AGBL1: variants seen among roughly 807,000 people sequenced by gnomAD.
AGBL1 encodes cytosolic carboxypeptidase 4.
In AGBL1, 130 loss-of-function variants were observed where a neutral mutation model predicts 118.9. The observed-to-expected ratio is 1.09, with a 90% CI of 0.95 to 1.26. AGBL1 has a LOEUF of 1.26. Ranked by LOEUF, AGBL1 falls within the 50% of genes most tolerant of loss-of-function variation. The pLI is 0.00. For missense variants in AGBL1, 1,584 were observed against 1,298.1 expected (o/e 1.22, Z -3.38); for synonymous variants, 555 against 478.9 (o/e 1.16, Z -2.08).
At chr15:86,127,930 G>A (rs1281471188) in intron 1 of AGBL1, among the ~76,000 whole-genome samples, 1 of 152,178 alleles carries the variant, frequency 6.6e-6, no homozygotes, top group Non-Finnish European at 1.5e-5. Flanking sequence ...GAGAAGCCCT[G>A]CCCATCAATT....
chr15:86,301,644 GTGTGTGTGT>G (rs2079747504), intron 17 of AGBL1, among the ~76,000 whole-genome samples: 13 of 1,262 alleles, frequency 0.01, no homozygotes, highest in South Asian at 0.071. Context: ...TCTACAGGGT[GTGTGTGTGT>G]GTGTGTGTGT....
chr15:86,120,177 C>G (rs570037790), intron 1 of AGBL1, among the ~76,000 whole-genome samples: 19 of 152,256 alleles, frequency 1.2e-4, no homozygotes, highest in African/African-American at 4.3e-4. Context: ...TTTGCTTTCT[C>G]CTGCATGTAC....
chr15:86,860,622 C>T (rs188163495), intron 22 of AGBL1, among the ~76,000 whole-genome samples: 38 of 152,130 alleles, frequency 2.5e-4, no homozygotes, highest in African/African-American at 8.4e-4. Context: ...TGCCTTGTCC[C>T]GCAGCAGGGG....
At chr15:86,432,619 T>C (rs1231888934) in intron 18 of AGBL1, among the ~76,000 whole-genome samples, 1 of 152,198 alleles carries the variant, frequency 6.6e-6, no homozygotes, top group African/African-American at 2.4e-5. Context: ...TTACTCTTTT[T>C]CCCTCTCATT....
intron 21 of AGBL1, among the ~76,000 whole-genome samples, chr15:86,673,367 C>T (rs1001101442): frequency 1.3e-5 from 2 of 152,194 alleles, no homozygotes; most frequent in Non-Finnish European, 2.9e-5. Context: ...CAGATTCACA[C>T]TTAATTCTGA....
intron 9 of AGBL1, among the ~76,000 whole-genome samples, chr15:86,262,078 C>CTTTTTTGTTTTTTTT (rs71468166): frequency 1.9e-5 from 1 of 52,768 alleles, no homozygotes; most frequent in Non-Finnish European, 3.6e-5. Context: ...GCATAGCTGG[C>CTTTTTTGTTTTTTTT]TTTTTTTTTT....
rs368919220 is a variant in AGBL1 at position 87,008,997 on chromosome 15, C to T, written c.3324-19828C>T. On this transcript the variant is annotated intron_variant, in intron 24 of 24. Transcript: ENST00000441037. ...TTGGAAAATTTGCAGCCTGACAATGCGATAGAAAATAAAATCCTATTTTCT... is the reference window on the plus strand; with the variant it reads ...TTGGAAAATTTGCAGCCTGACAATGTGATAGAAAATAAAATCCTATTTTCT... Among the ~76,000 whole-genome samples the T allele has an allele frequency of 1.5e-3, 232 of 152,118 alleles. 1 individual carries two copies. Among genetic ancestry groups the T allele is most frequent in the African/African-American group, 5.3e-3 (220 of 41,506 alleles).
chr15:86,467,775 G>T (rs1008516382), intron 18 of AGBL1, among the ~76,000 whole-genome samples: 3 of 152,150 alleles, frequency 2.0e-5, no homozygotes, highest in African/African-American at 7.2e-5. Context: ...CCCCAACCCT[G>T]CTTCTGCTCA....
At chr15:86,338,895 A>AACT (rs2080416797) in intron 17 of AGBL1, among the ~76,000 whole-genome samples, 3 of 152,132 alleles carry the variant, frequency 2.0e-5, no homozygotes, top group Non-Finnish European at 4.4e-5. Flanking sequence ...ATGTCATGTT[A>AACT]ACTGTAGGTT....
rs2076971191 is a variant in AGBL1 at position 86,142,079 on chromosome 15, A to T, written c.115+12A>T. 2 of 1,549,546 alleles carry T rather than the reference A, an allele frequency of 1.3e-6. No individual in the cohort carries two copies. Among genetic ancestry groups the T allele is most frequent in the South Asian group, 2.4e-5 (2 of 83,764 alleles). On this transcript the variant is annotated intron_variant, in intron 2 of 22. Transcript: ENST00000614907. Reference sequence around the variant, plus strand: ...TCTGCTTTCTGTTGGTGAGTAGGCCATGCTCTCATGCTTTCATATGGCGGA... The same window carrying T: ...TCTGCTTTCTGTTGGTGAGTAGGCCTTGCTCTCATGCTTTCATATGGCGGA...
chr15:86,512,058 G>C (rs2083058568), intron 18 of AGBL1, among the ~76,000 whole-genome samples: 1 of 151,900 alleles, frequency 6.6e-6, no homozygotes, highest in African/African-American at 2.4e-5. Context: ...TAATTCATGT[G>C]AATATACGTT....
chr15:86,688,046 G>A (rs1013105836), intron 22 of AGBL1, among the ~76,000 whole-genome samples: 8 of 152,142 alleles, frequency 5.3e-5, no homozygotes, highest in Non-Finnish European at 1.0e-4. Flanking sequence ...CATGAAATGA[G>A]AACAGAGTAT....
chr15:86,271,823 T>G, intron 15 of AGBL1, 117 bp downstream of exon 15: 1 of 976,006 alleles, frequency 1.0e-6, no homozygotes, highest in South Asian at 1.5e-5. Context: ...CTAAACTTTT[T>G]GTCACTCTGT....
chr15:86,704,810 C>G (rs1330627819), intron 22 of AGBL1, among the ~76,000 whole-genome samples: 1 of 152,170 alleles, frequency 6.6e-6, no homozygotes, highest in Non-Finnish European at 1.5e-5. Flanking sequence ...ATAAATCATT[C>G]TACTATAAAG....
intron 3 of AGBL1, among the ~76,000 whole-genome samples, chr15:86,145,592 A>G (rs16948699): frequency 0.19 from 28,332 of 152,116 alleles, 2,848 homozygotes; most frequent in African/African-American, 0.25. Flanking sequence ...TCCTTCCAAT[A>G]TTTGGATCTC....
intron 21 of AGBL1, among the ~76,000 whole-genome samples, chr15:86,654,972 A>G (rs944362267): frequency 2.6e-5 from 4 of 152,084 alleles, no homozygotes; most frequent in African/African-American, 9.7e-5. Context: ...TACTTTTCAG[A>G]GCAGCCTTGC....
intron 21 of AGBL1, among the ~76,000 whole-genome samples, chr15:86,634,077 G>T (rs1390878979): frequency 1.3e-5 from 2 of 152,106 alleles, no homozygotes; most frequent in African/African-American, 4.8e-5. Flanking sequence ...TATTGGCAAG[G>T]ACGTGGGGAA....
chr15:86,605,176 A>T (rs553866663), intron 21 of AGBL1, among the ~76,000 whole-genome samples: 2 of 152,284 alleles, frequency 1.3e-5, no homozygotes, highest in African/African-American at 4.8e-5. Context: ...CAAGTTGAAG[A>T]TAGTAAACAA....
intron 5 of AGBL1, among the ~76,000 whole-genome samples, chr15:86,184,816 C>A (rs146280387): frequency 1.3e-3 from 204 of 152,212 alleles, no homozygotes; most frequent in African/African-American, 4.6e-3. Flanking sequence ...AAAAAAGAGC[C>A]CGCATTGCCA....
Sources: allele counts gnomAD v4.1 joint callset (sites outside exome capture counted in the v4.1 genomes callset), GRCh38; gene constraint gnomAD v4.1.1; transcripts MANE v1.5; gene names NCBI Gene and HGNC (gene_info 2026-07-23, HGNC 2026-07-21).